The following SYN3 variants were observed in gnomAD, a reference collection of about 807,000 sequenced individuals.
SYN3 encodes the protein synapsin-3.
Under a neutral mutation model 65.8 loss-of-function variants are expected in SYN3, and 35 were observed. The ratio of observed to expected loss-of-function variants is 0.53; its 90% CI spans 0.41 to 0.70. The LOEUF (loss-of-function observed/expected upper bound fraction) is 0.70. Among genes scored for constraint, SYN3 ranks in the 30% least tolerant of loss-of-function variants. The pLI, the probability that SYN3 is intolerant of heterozygous loss-of-function variation, is 0.00. For missense variants in SYN3, 680 were observed against 749.0 expected (o/e 0.91, Z 1.08); for synonymous variants, 270 against 292.9 (o/e 0.92, Z 0.80).
chr22:32,971,842 G>A (rs956976124), intron 3 of SYN3, among the ~76,000 whole-genome samples: 4 of 152,164 alleles, frequency 2.6e-5, no homozygotes, highest in African/African-American at 9.7e-5. Flanking sequence ...TCACTGGAAG[G>A]GGGAAGAAAA....
At chr22:33,007,564 A>C (rs2053228814) in intron 1 of SYN3, among the ~76,000 whole-genome samples, 1 of 152,172 alleles carries the variant, frequency 6.6e-6, no homozygotes, top group Non-Finnish European at 1.5e-5. Flanking sequence ...ACGCGATGGA[A>C]GTACAGCCCT....
chr22:32,888,914 C>T (rs903600353), intron 4 of SYN3, among the ~76,000 whole-genome samples: 2 of 152,248 alleles, frequency 1.3e-5, no homozygotes, highest in East Asian at 1.9e-4. Context: ...TCTCTATTGC[C>T]CAGTTTAAGG....
intron 3 of SYN3, among the ~76,000 whole-genome samples, chr22:32,948,816 G>C (rs1322588460): frequency 6.6e-6 from 1 of 150,536 alleles, no homozygotes; most frequent in Non-Finnish European, 1.5e-5. Context: ...AGCTTCTTGG[G>C]TTTAAAATTT....
rs918763731 is a variant in SYN3, at chr22:33,055,272, C to T, written c.-163+3020G>A. 2.6e-5 allele frequency among the ~76,000 whole-genome samples: 4 copies of T among 152,230 alleles called. No individual in the cohort carries two copies. The East Asian group carries it at 5.8e-4, about 22-fold the overall frequency. ...ACTTTAGATAAAAATGTAAGCTCAGCATGGCCTCCAAGACTCCACTGCCTT... is the reference window on the plus strand; with the variant it reads ...ACTTTAGATAAAAATGTAAGCTCAGTATGGCCTCCAAGACTCCACTGCCTT... On this transcript the variant is annotated intron_variant, in intron 1 of 13. Transcript: ENST00000358763.
chr22:33,036,007 C>G (rs2053853192), intron 1 of SYN3, among the ~76,000 whole-genome samples: 1 of 152,116 alleles, frequency 6.6e-6, no homozygotes, highest in African/African-American at 2.4e-5. Flanking sequence ...ACTGACTCTT[C>G]CTTTACTCCT....
At chr22:32,862,596 A>T (rs958784027) in intron 6 of SYN3, 6 of 152,248 alleles carry the variant, frequency 3.9e-5, no homozygotes, top group Admixed American at 6.5e-5. Flanking sequence ...CCTAAGGTTA[A>T]CATGTCACTA....
chr22:32,557,895 T>C (rs1439343466), intron 7 of SYN3, among the ~76,000 whole-genome samples: 1 of 152,258 alleles, frequency 6.6e-6, no homozygotes, highest in African/African-American at 2.4e-5. Flanking sequence ...TGGCTTGTTG[T>C]CACTTTTCAT....
chr22:32,819,107 TTTCAGATTGCTCAGGGG>T (rs1389798977), intron 6 of SYN3, among the ~76,000 whole-genome samples: 2 of 152,128 alleles, frequency 1.3e-5, no homozygotes, highest in African/African-American at 4.8e-5. Context: ...GGTCACAGGG[TTTCAGATTGCTCAGGGG>T]AATTTTGTTT....
intron 6 of SYN3, among the ~76,000 whole-genome samples, chr22:32,597,232 T>C (rs1237562736): frequency 2.3e-5 from 2 of 86,302 alleles, no homozygotes; most frequent in African/African-American, 1.1e-4. Context: ...TTTTTTTTTT[T>C]TGGGACAAGT....
intron 6 of SYN3, among the ~76,000 whole-genome samples, chr22:32,814,339 G>GAAAGAAAGAAAGAA (rs369652077): frequency 5.8e-4 from 6 of 10,352 alleles, no homozygotes; most frequent in Non-Finnish European, 1.5e-3. Flanking sequence ...AAGAAAGAAA[G>GAAAGAAAGAAAGAA]AGAAAGAAAG....
At chr22:32,557,295 T>C (rs527893184) in intron 7 of SYN3, among the ~76,000 whole-genome samples, 1 of 151,264 alleles carries the variant, frequency 6.6e-6, no homozygotes, top group Admixed American at 6.6e-5. Context: ...TGAGGGGCCC[T>C]GATTCACAAG....
chr22:32,662,707 T>C (rs1441761975), intron 6 of SYN3, among the ~76,000 whole-genome samples: 2 of 152,190 alleles, frequency 1.3e-5, no homozygotes, highest in Non-Finnish European at 2.9e-5. Flanking sequence ...TAATAAATAC[T>C]CAATTACTGC....
chr22:32,980,578 C>T, intron 3 of SYN3, 67 bp downstream of exon 3: 5 of 1,427,788 alleles, frequency 3.5e-6, no homozygotes, highest in Non-Finnish European at 4.9e-6. Context: ...ACCAAGATTG[C>T]ATGTAAGAAC....
chr22:32,586,441 C>T (rs35868201), intron 7 of SYN3, among the ~76,000 whole-genome samples: 45 of 152,218 alleles, frequency 3.0e-4, no homozygotes, highest in Non-Finnish European at 5.6e-4. Flanking sequence ...ATAACTCATG[C>T]CTAAATGAAA....
chr22:32,981,403 T>G (rs1359891381), intron 2 of SYN3, among the ~76,000 whole-genome samples: 1 of 151,428 alleles, frequency 6.6e-6, no homozygotes, highest in African/African-American at 2.4e-5. Context: ...CTGACCAACA[T>G]GGAGAAACCC....
intron 6 of SYN3, among the ~76,000 whole-genome samples, chr22:32,815,686 T>C (rs957983955): frequency 2.0e-5 from 3 of 152,182 alleles, no homozygotes; most frequent in Admixed American, 6.5e-5. Flanking sequence ...AAATTATTAG[T>C]GTTATCATCC....
chr22:32,931,584 G>A (rs1359477769), intron 3 of SYN3, 103 bp from the exon 4 acceptor site: 4 of 752,430 alleles, frequency 5.3e-6, no homozygotes, highest in Non-Finnish European at 9.3e-6. Context: ...CACCTTTAAA[G>A]CTCCCCTCAA....
intron 10 of SYN3, 69 bp from the exon 11 acceptor site, chr22:32,529,077 A>C: frequency 1.9e-6 from 3 of 1,599,866 alleles, no homozygotes; most frequent in Non-Finnish European, 2.6e-6. Flanking sequence ...ATCACATCCC[A>C]GAAGTGGGGG....
chr22:32,569,533 ATCAATCTCTCTCTCTC>A (rs1230209759), intron 7 of SYN3, among the ~76,000 whole-genome samples: 16 of 93,908 alleles, frequency 1.7e-4, no homozygotes, highest in South Asian at 9.2e-4. Context: ...TCTAAAATCA[ATCAATCTCTCTCTCTC>A]TCTCTCTCTC....
Sources: gnomAD v4.1 joint callset for allele counts (sites outside exome capture counted in the v4.1 genomes callset) on GRCh38, gnomAD v4.1.1 for gene constraint, MANE v1.5 for transcripts, NCBI Gene and HGNC (gene_info 2026-07-23, HGNC 2026-07-21) for gene names.